The following WDR20 variants were observed in gnomAD, a reference collection of about 807,000 sequenced individuals.
The protein encoded by WDR20 is WD repeat-containing protein 20.
A neutral mutation model predicts 38.7 loss-of-function variants in WDR20; 3 were observed. The ratio of observed to expected loss-of-function variants is 0.08; its 90% confidence interval spans 0.04 to 0.20. The LOEUF (loss-of-function observed/expected upper bound fraction) is 0.20. Ranked by LOEUF, WDR20 falls within the 10% of genes least tolerant of loss-of-function variation. The pLI is 1.00. For missense variants in WDR20, 559 were observed against 727.7 expected (o/e 0.77, Z 2.67); for synonymous variants, 298 against 285.6 (o/e 1.04, Z -0.44).
downstream of WDR20, chr14:102,212,638 T>C: frequency 4.6e-6 from 7 of 1,533,460 alleles, no homozygotes; most frequent in Non-Finnish European, 6.1e-6. Context: ...GAAGCGCCCT[T>C]CTCCTCGGCT....
At chr14:102,153,432 G>A (rs914408243) in intron 1 of WDR20, among the ~76,000 whole-genome samples, 8 of 151,390 alleles carry the variant, frequency 5.3e-5, no homozygotes, top group African/African-American at 1.9e-4. Context: ...TCAGCCTCTG[G>A]AGTAGCTGGG....
chr14:102,144,116 A>G (rs749414634), intron 1 of WDR20, among the ~76,000 whole-genome samples: 1 of 152,068 alleles, frequency 6.6e-6, no homozygotes. Context: ...AGTTAAGGTT[A>G]CAGTGAGCTA....
chr14:102,150,360 G>C (rs1264292429), intron 1 of WDR20, among the ~76,000 whole-genome samples: 1 of 152,084 alleles, frequency 6.6e-6, no homozygotes, highest in East Asian at 1.9e-4. Context: ...TGTAGTCCCA[G>C]CTACTCGGGG....
chr14:102,198,363 CCA>C (rs1232803947), intron 2 of WDR20: 1 of 265,600 alleles, frequency 3.8e-6, no homozygotes, highest in Admixed American at 4.7e-5. Context: ...AGTGATCCAC[CCA>C]CCTCAGCTTC....
chr14:102,152,779 A>G (rs909305556), intron 1 of WDR20, among the ~76,000 whole-genome samples: 4 of 152,190 alleles, frequency 2.6e-5, no homozygotes, highest in African/African-American at 9.7e-5. Flanking sequence ...TCCTTATTTT[A>G]CAGGTGAGAA....
downstream of WDR20, among the ~76,000 whole-genome samples, chr14:102,224,191 G>A (rs183994579): frequency 2.7e-3 from 417 of 151,920 alleles, 2 homozygotes; most frequent in African/African-American, 8.9e-3. Context: ...ACAGGCGCCC[G>A]CCACCACGCC....
At chr14:102,197,335 G>A (rs1352816663) in intron 2 of WDR20, among the ~76,000 whole-genome samples, 1 of 152,230 alleles carries the variant, frequency 6.6e-6, no homozygotes, top group East Asian at 1.9e-4. Context: ...TACTGGGCAC[G>A]TGTCAGCACA....
intron 1 of WDR20, among the ~76,000 whole-genome samples, chr14:102,189,309 T>G: frequency 6.6e-6 from 1 of 152,244 alleles, no homozygotes. Flanking sequence ...TGGTAACTAG[T>G]TGTTTCTTTA....
chr14:102,182,734 AG>A (rs2063655590), intron 1 of WDR20, among the ~76,000 whole-genome samples: 1 of 151,976 alleles, frequency 6.6e-6, no homozygotes, highest in Non-Finnish European at 1.5e-5. Flanking sequence ...ATTGACAAAA[AG>A]GCAAAAAATA....
chr14:102,173,161 G>A (rs2061324854), intron 1 of WDR20, among the ~76,000 whole-genome samples: 1 of 151,446 alleles, frequency 6.6e-6, no homozygotes, highest in Admixed American at 6.6e-5. Context: ...CGCGCAGGCT[G>A]GAGTGCAGTG....
downstream of WDR20, among the ~76,000 whole-genome samples, chr14:102,210,990 G>T (rs2062447894): frequency 6.6e-6 from 1 of 152,180 alleles, no homozygotes; most frequent in Non-Finnish European, 1.5e-5. Flanking sequence ...GTCCTCAGTG[G>T]CTCCCACCCT....
At chr14:102,219,805 G>A (rs577968884), downstream of WDR20, among the ~76,000 whole-genome samples, 11 of 152,350 alleles carry the variant, frequency 7.2e-5, no homozygotes, top group African/African-American at 2.2e-4. Context: ...GCCTGCTAAC[G>A]GGAACCCCCA....
chr14:102,202,482 A>G (rs1196525079), intron 2 of WDR20, among the ~76,000 whole-genome samples: 3 of 137,674 alleles, frequency 2.2e-5, no homozygotes, highest in East Asian at 4.4e-4. Context: ...CCGAGTTCAC[A>G]CCATTCTCCT....
At chr14:102,202,889 C>T (rs1054808841) in intron 2 of WDR20, among the ~76,000 whole-genome samples, 1 of 152,192 alleles carries the variant, frequency 6.6e-6, no homozygotes, top group Non-Finnish European at 1.5e-5. Flanking sequence ...CAGCCAATTT[C>T]TGTGACATTC....
chr14:102,219,177 A>G (rs1020980202), downstream of WDR20, among the ~76,000 whole-genome samples: 6 of 152,186 alleles, frequency 3.9e-5, no homozygotes, highest in African/African-American at 1.2e-4. Context: ...CTACCACCTG[A>G]TAATCTTTAG....
intron 1 of WDR20, 167 bp downstream of exon 1, chr14:102,140,339 A>T: frequency 5.5e-6 from 6 of 1,090,648 alleles, no homozygotes; most frequent in Middle Eastern, 3.5e-4. Flanking sequence ...TTCAGGAGTA[A>T]GGAGGGTGGT....
At chr14:102,177,647 T>C (rs2062441741) in intron 1 of WDR20, among the ~76,000 whole-genome samples, 1 of 152,184 alleles carries the variant, frequency 6.6e-6, no homozygotes, top group Non-Finnish European at 1.5e-5. Context: ...GCAGTAACTT[T>C]ATTAGAAAAG....
chr14:102,142,400 C>T (rs2051600779), intron 1 of WDR20, among the ~76,000 whole-genome samples: 1 of 152,066 alleles, frequency 6.6e-6, no homozygotes, highest in African/African-American at 2.4e-5. Flanking sequence ...CCAAAATTTA[C>T]TTTTTAGAGT....
downstream of WDR20, chr14:102,214,623 A>G (rs1191986134): frequency 1.0e-6 from 1 of 985,200 alleles, no homozygotes; most frequent in South Asian, 4.7e-5. Flanking sequence ...AGTTTATTAG[A>G]GATTGTTATG....
Sources: allele counts gnomAD v4.1 joint callset (sites outside exome capture counted in the v4.1 genomes callset), GRCh38; gene constraint gnomAD v4.1.1; transcripts MANE v1.5; gene names NCBI Gene and HGNC (gene_info 2026-07-23, HGNC 2026-07-21).